The following NOS1AP variants were observed in gnomAD, a reference collection of about 807,000 sequenced individuals.
NOS1AP encodes carboxyl-terminal PDZ ligand of neuronal nitric oxide synthase protein.
In NOS1AP, 21 loss-of-function variants were observed where a neutral mutation model predicts 56.2. The observed-to-expected ratio is 0.37, with a 90% CI of 0.26 to 0.54. NOS1AP has a LOEUF of 0.54. NOS1AP is among the 20% of genes least tolerant of loss of function. The pLI, the probability that NOS1AP is intolerant of heterozygous loss-of-function variation, is 0.84. For synonymous variants in NOS1AP, 270 were observed against 274.6 expected, an observed-to-expected ratio of 0.98 and a Z score of 0.17; for missense variants, 522 against 657.8, an observed-to-expected ratio of 0.79 and a Z score of 2.26.
At chr1:162,217,177 G>A (rs561240255) in intron 2 of NOS1AP, among the ~76,000 whole-genome samples, 19 of 151,096 alleles carry the variant, frequency 1.3e-4, no homozygotes, top group African/African-American at 2.4e-4. Flanking sequence ...AAGCCTATAC[G>A]ACTCAAACTC....
chr1:162,280,005 CTA>C (rs1462275555), intron 2 of NOS1AP, among the ~76,000 whole-genome samples: 31 of 152,264 alleles, frequency 2.0e-4, no homozygotes, highest in African/African-American at 6.0e-4. Flanking sequence ...AAAGTTTCCT[CTA>C]TAAATTTTTT....
At chr1:162,351,997 A>G (rs1571238673) in intron 6 of NOS1AP, among the ~76,000 whole-genome samples, 1 of 148,284 alleles carries the variant, frequency 6.7e-6, no homozygotes, top group Non-Finnish European at 1.5e-5. Context: ...GGCACCCCAC[A>G]CTCCTTCCCT....
chr1:162,131,352 A>G (rs191530077), intron 1 of NOS1AP, among the ~76,000 whole-genome samples: 1 of 151,806 alleles, frequency 6.6e-6, no homozygotes, highest in East Asian at 2.0e-4. Context: ...AGCTAATATA[A>G]TAAAGACCCT....
At chr1:162,170,989 A>G (rs973242104) in intron 2 of NOS1AP, among the ~76,000 whole-genome samples, 1 of 151,918 alleles carries the variant, frequency 6.6e-6, no homozygotes, top group African/African-American at 2.4e-5. Flanking sequence ...ACAGGCAGCT[A>G]AACGGGTGGA....
intron 8 of NOS1AP, chr1:162,365,094 G>C: frequency 7.8e-7 from 1 of 1,282,296 alleles, no homozygotes; most frequent in Non-Finnish European, 1.0e-6. Flanking sequence ...GTGTGTGTAC[G>C]TGTGTGTGTG....
chr1:162,264,276 T>C (rs1359029163), intron 2 of NOS1AP, among the ~76,000 whole-genome samples: 1 of 152,118 alleles, frequency 6.6e-6, no homozygotes, highest in Non-Finnish European at 1.5e-5. Flanking sequence ...ACTAATGTCC[T>C]CATTGTCTTT....
chr1:162,336,310 G>C (rs1235994224), intron 5 of NOS1AP, among the ~76,000 whole-genome samples: 1 of 152,146 alleles, frequency 6.6e-6, no homozygotes, highest in Non-Finnish European at 1.5e-5. Context: ...TGTGTGTAAA[G>C]ACTCAACAAG....
intron 2 of NOS1AP, among the ~76,000 whole-genome samples, chr1:162,172,182 G>A (rs1331843906): frequency 6.6e-6 from 1 of 152,228 alleles, no homozygotes; most frequent in Non-Finnish European, 1.5e-5. Context: ...GTTGTGGGGA[G>A]AGGGACAAGA....
intron 2 of NOS1AP, among the ~76,000 whole-genome samples, chr1:162,201,068 C>T (rs1651975928): frequency 6.6e-6 from 1 of 152,140 alleles, no homozygotes; most frequent in South Asian, 2.1e-4. Context: ...CACTCTCTGC[C>T]CTCTGATAAA....
intron 1 of NOS1AP, among the ~76,000 whole-genome samples, chr1:162,124,709 A>G (rs1648405782): frequency 6.6e-6 from 1 of 152,022 alleles, no homozygotes; most frequent in African/African-American, 2.4e-5. Context: ...TTTTAGCAGC[A>G]ATGGAATTTT....
At position 162,078,970 on chromosome 1, in the gene NOS1AP, T is replaced by C. The variant is rs187844676; in HGVS notation, c.105+8688T>C. 2.7e-3 allele frequency among the ~76,000 whole-genome samples: 413 copies of C among 152,284 alleles called. 3 individuals are homozygous for C. Among genetic ancestry groups the C allele is most frequent in the African/African-American group, 9.2e-3 (384 of 41,546 alleles). ...TCTGCCCCCGTGTCTTCCACAGCCC[T>C]GAGTACAGTGCCTTGCACATAGAAA... On this transcript the variant is annotated intron_variant, in intron 1 of 9. Transcript: ENST00000361897.
intron 2 of NOS1AP, among the ~76,000 whole-genome samples, chr1:162,200,613 G>C (rs1651962922): frequency 6.6e-6 from 1 of 152,170 alleles, no homozygotes; most frequent in Non-Finnish European, 1.5e-5. Context: ...GTTTGGAAAG[G>C]GCTGGACTAG....
chr1:162,080,488 G>A (rs956864169), intron 1 of NOS1AP, among the ~76,000 whole-genome samples: 1 of 152,122 alleles, frequency 6.6e-6, no homozygotes, highest in Non-Finnish European at 1.5e-5. Flanking sequence ...CTACCAAGGG[G>A]CCTGCCCTTG....
intron 5 of NOS1AP, among the ~76,000 whole-genome samples, chr1:162,343,157 A>T (rs1264893623): frequency 1.3e-5 from 2 of 152,170 alleles, no homozygotes; most frequent in African/African-American, 4.8e-5. Flanking sequence ...TCTCCTAGTT[A>T]AATGGTGGAA....
intron 9 of NOS1AP, 126 bp from the exon 10 acceptor site, chr1:162,366,926 C>G: frequency 9.4e-7 from 1 of 1,059,470 alleles, no homozygotes; most frequent in East Asian, 2.4e-5. Flanking sequence ...ACCCAAAGCC[C>G]GGAGAGGTGC....
At chr1:162,114,130 G>A (rs2102043527) in intron 1 of NOS1AP, among the ~76,000 whole-genome samples, 1 of 152,288 alleles carries the variant, frequency 6.6e-6, no homozygotes, top group Middle Eastern at 3.4e-3. Context: ...GGAAAGAACT[G>A]TGGTGTCTTT....
chr1:162,129,123 G>A (rs1043276945), intron 1 of NOS1AP, among the ~76,000 whole-genome samples: 17 of 151,980 alleles, frequency 1.1e-4, no homozygotes, highest in African/African-American at 3.6e-4. Flanking sequence ...CCCCAGCTAA[G>A]CTCCGCCTCC....
At chr1:162,337,435 T>C (rs954051466) in intron 5 of NOS1AP, among the ~76,000 whole-genome samples, 1 of 152,190 alleles carries the variant, frequency 6.6e-6, no homozygotes, top group Non-Finnish European at 1.5e-5. Context: ...CTGGTCAAAC[T>C]TACGAGATGA....
intron 2 of NOS1AP, among the ~76,000 whole-genome samples, chr1:162,170,223 A>T (rs1650699049): frequency 6.6e-6 from 1 of 152,194 alleles, no homozygotes; most frequent in South Asian, 2.1e-4. Context: ...GGGTAGTAAT[A>T]ATTGATATTC....
Sources: allele counts gnomAD v4.1 joint callset (sites outside exome capture counted in the v4.1 genomes callset), GRCh38; gene constraint gnomAD v4.1.1; transcripts MANE v1.5; gene names NCBI Gene and HGNC (gene_info 2026-07-23, HGNC 2026-07-21).